ENTREP2: variants seen among roughly 807,000 people sequenced by gnomAD.
The protein encoded by ENTREP2 is protein ENTREP2.
the ENTREP2 span, among the ~76,000 whole-genome samples, chr15:29,306,292 T>TG: frequency 1.3e-5 from 2 of 152,058 alleles, no homozygotes; most frequent in East Asian, 1.9e-4. Flanking sequence ...CAAGGATCCT[T>TG]GGGGGGGATG....
chr15:29,314,104 T>C, the ENTREP2 span, among the ~76,000 whole-genome samples: 4 of 152,222 alleles, frequency 2.6e-5, 1 homozygote, highest in Non-Finnish European at 5.9e-5. Context: ...AAGCAGCTGC[T>C]TCTTATGGAT....
the ENTREP2 span, chr15:29,373,687 CAAAT>C: frequency 6.6e-6 from 1 of 151,112 alleles, no homozygotes; most frequent in African/African-American, 2.4e-5. Flanking sequence ...CTTTTGTAGA[CAAAT>C]AAGAATCATA....
the ENTREP2 span, among the ~76,000 whole-genome samples, chr15:29,161,084 G>A: frequency 2.0e-5 from 3 of 152,110 alleles, no homozygotes; most frequent in Non-Finnish European, 4.4e-5. Context: ...CTGACGTTCC[G>A]TGCAGATCTA....
the ENTREP2 span, among the ~76,000 whole-genome samples, chr15:29,564,307 A>G: frequency 2.0e-5 from 3 of 152,170 alleles, no homozygotes; most frequent in African/African-American, 4.8e-5. Context: ...CTTCTTTTCC[A>G]AGGCTATATG....
At chr15:29,144,575 A>T in the ENTREP2 span, among the ~76,000 whole-genome samples, 4 of 152,086 alleles carry the variant, frequency 2.6e-5, no homozygotes, top group South Asian at 4.1e-4. Context: ...CAAAAAAATT[A>T]AAAAATTAGC....
chr15:29,451,274 CCGGCCCT>C, the ENTREP2 span, among the ~76,000 whole-genome samples: 94 of 152,204 alleles, frequency 6.2e-4, no homozygotes, highest in African/African-American at 1.8e-3. Flanking sequence ...AGCTCTCTGG[CCGGCCCT>C]CGGCCCTCGG....
chr15:29,547,258 T>A, the ENTREP2 span, among the ~76,000 whole-genome samples: 1 of 151,814 alleles, frequency 6.6e-6, no homozygotes, highest in Non-Finnish European at 1.5e-5. Flanking sequence ...GCTAATTTTT[T>A]TTTTTATTTT....
At chr15:29,435,131 T>C in the ENTREP2 span, among the ~76,000 whole-genome samples, 2 of 152,168 alleles carry the variant, frequency 1.3e-5, no homozygotes, top group African/African-American at 4.8e-5. Context: ...TCCATCCTGC[T>C]TGACAAACGT....
the ENTREP2 span, among the ~76,000 whole-genome samples, chr15:29,349,606 T>G: frequency 6.6e-6 from 1 of 152,152 alleles, no homozygotes; most frequent in African/African-American, 2.4e-5. Context: ...AACTAATTCA[T>G]AGCAAGGGGG....
At chr15:29,266,569 A>C in the ENTREP2 span, 1 of 152,380 alleles carries the variant, frequency 6.6e-6, no homozygotes, top group East Asian at 1.9e-4. Context: ...AAATGAGTGA[A>C]TCAGGTCTAC....
chr15:29,306,664 A>ATTTTTTTT, the ENTREP2 span, among the ~76,000 whole-genome samples: 103 of 77,320 alleles, frequency 1.3e-3, 13 homozygotes, highest in Non-Finnish European at 2.2e-3. Flanking sequence ...ATAATTGGTA[A>ATTTTTTTT]TTTTTTTTTT....
chr15:29,558,361 G>A, the ENTREP2 span, among the ~76,000 whole-genome samples: 1 of 151,962 alleles, frequency 6.6e-6, no homozygotes, highest in South Asian at 2.1e-4. Context: ...CAGGTAGGAT[G>A]AGTGATGCTA....
the ENTREP2 span, among the ~76,000 whole-genome samples, chr15:29,451,257 G>C: frequency 1.3e-5 from 2 of 152,134 alleles, no homozygotes; most frequent in Non-Finnish European, 2.9e-5. Context: ...TGATGATGGG[G>C]GGTGGCAGCT....
chr15:29,446,498 G>A, the ENTREP2 span, among the ~76,000 whole-genome samples: 7 of 152,176 alleles, frequency 4.6e-5, no homozygotes, highest in African/African-American at 1.7e-4. Flanking sequence ...GAGACAATAC[G>A]CACAGAGCAA....
the ENTREP2 span, among the ~76,000 whole-genome samples, chr15:29,490,396 A>G: frequency 6.6e-6 from 1 of 152,222 alleles, no homozygotes; most frequent in Non-Finnish European, 1.5e-5. Flanking sequence ...AACATGGAAG[A>G]GAACCCAAAC....
chr15:29,322,360 G>A, the ENTREP2 span, among the ~76,000 whole-genome samples: 1 of 152,118 alleles, frequency 6.6e-6, no homozygotes, highest in Non-Finnish European at 1.5e-5. Flanking sequence ...TTGTGCAGTA[G>A]ATCTCCTGAA....
chr15:29,268,923 C>G, the ENTREP2 span: 1 of 1,614,202 alleles, frequency 6.2e-7, no homozygotes, highest in Non-Finnish European at 8.5e-7. Context: ...TAAGAACTTT[C>G]ATCTTGCTGG....
the ENTREP2 span, chr15:29,570,724 C>T: frequency 2.0e-6 from 2 of 998,360 alleles, no homozygotes; most frequent in Non-Finnish European, 2.4e-6. Flanking sequence ...CCGGAGGCAT[C>T]GCGCCGGGCG....
the ENTREP2 span, among the ~76,000 whole-genome samples, chr15:29,314,862 G>A: frequency 6.6e-6 from 1 of 152,086 alleles, no homozygotes; most frequent in Non-Finnish European, 1.5e-5. Context: ...GACGATCCTG[G>A]GCAACATGGT....
Sources: allele counts gnomAD v4.1 joint callset (sites outside exome capture counted in the v4.1 genomes callset), GRCh38; gene constraint gnomAD v4.1.1; transcripts MANE v1.5; gene names NCBI Gene and HGNC (gene_info 2026-07-23, HGNC 2026-07-21).